WDR74: variants seen among roughly 807,000 people sequenced by gnomAD.
WDR74 encodes WD repeat-containing protein 74.
A neutral mutation model predicts 45.6 loss-of-function variants in WDR74; 31 were observed. That is an observed-to-expected ratio of 0.68 (90% CI 0.51 to 0.92). The LOEUF (loss-of-function observed/expected upper bound fraction) is 0.92. WDR74 is among the 40% of genes least tolerant of loss of function. The probability of loss-of-function intolerance (pLI) is 0.00; values close to 1 mark genes in which losing one functional copy is unlikely to be tolerated. For synonymous variants in WDR74, 191 were observed against 192.4 expected, an observed-to-expected ratio of 0.99 and a Z score of 0.06; for missense variants, 455 against 497.2, an observed-to-expected ratio of 0.92 and a Z score of 0.81.
upstream of WDR74, chr11:62,839,678 G>A: frequency 7.4e-7 from 1 of 1,343,500 alleles, no homozygotes; most frequent in East Asian, 2.4e-5. Flanking sequence ...TTGAAGAGCC[G>A]AAACAGTAAA....
intron 3 of WDR74, among the ~76,000 whole-genome samples, 174 bp downstream of exon 3, chr11:62,838,940 G>A (rs1565223246): frequency 6.6e-6 from 1 of 152,138 alleles, no homozygotes; most frequent in African/African-American, 2.4e-5. Flanking sequence ...AATTCAGTAG[G>A]TGTTCAATAA....
chr11:62,835,202 C>T (rs1262428005), intron 6 of WDR74: 1 of 543,866 alleles, frequency 1.8e-6, no homozygotes, highest in African/African-American at 1.9e-5. Flanking sequence ...GATCCACTCT[C>T]CTTTCCTCTC....
intron 10 of WDR74, 47 bp from the exon 11 acceptor site, chr11:62,833,178 T>C: frequency 1.3e-6 from 2 of 1,584,378 alleles, no homozygotes; most frequent in Non-Finnish European, 1.7e-6. Context: ...CCGGGCACGG[T>C]GGCTCCCACC....
chr11:62,834,664 A>T (rs936702434), intron 6 of WDR74, 137 bp from the exon 7 acceptor site: 11 of 730,456 alleles, frequency 1.5e-5, no homozygotes, highest in Non-Finnish European at 2.2e-5. Context: ...TCTTAGATGT[A>T]TGCCTCTTCT....
Position 62,839,542 on chromosome 11 carries a change from T to A in WDR74, c.29A>T (p.His10Leu). 2 of 1,613,204 alleles carry A rather than the reference T, an allele frequency of 1.2e-6. No individual in the cohort carries two copies. The highest frequency in any genetic ancestry group is 1.7e-6 in the Non-Finnish European group (2 of 1,179,674). Residue 10 changes from histidine (H) to leucine (L), a missense_variant, in exon 1 of 11, where the codon CAT becomes CTT. Physicochemically the swap from His to Leu is moderately conservative, Grantham distance 99. Transcript: ENST00000278856. Reference protein sequence around the residue: MAAAAARWNHVWVGTETGIL... With the variant: MAAAAARWNLVWVGTETGIL... ...CCCAGTCTCGGTGCCGACCCACACATGGTTCCAGCGTGCAGCAGCAGCCGC... is the reference window on the plus strand; with the variant it reads ...CCCAGTCTCGGTGCCGACCCACACAAGGTTCCAGCGTGCAGCAGCAGCCGC...
Position 62,835,541 on chromosome 11 carries a change from G to C in WDR74, c.517-9C>G, listed in dbSNP as rs780743239. On this transcript the variant is annotated splice_polypyrimidine_tract_variant and intron_variant, in intron 5 of 10. Transcript: ENST00000278856. ...AGCCAGTCATTCCGCACCTGGTGGG[G>C]TGGGCAGATGGAGGACAGGGCTATG... 4 of 1,613,772 alleles carry C rather than the reference G, an allele frequency of 2.5e-6. No homozygotes were observed. Among genetic ancestry groups the C allele is most frequent in the Non-Finnish European group, 3.4e-6 (4 of 1,179,828 alleles).
upstream of WDR74, chr11:62,839,975 CGAAA>C (rs1253627418): frequency 6.0e-6 from 1 of 167,394 alleles, no homozygotes; most frequent in East Asian, 1.6e-4. Context: ...ATATAAGTCA[CGAAA>C]GAAAGATGGG....
upstream of WDR74, chr11:62,841,692 C>A (rs1033460589): frequency 1.3e-5 from 2 of 152,164 alleles, no homozygotes; most frequent in Admixed American, 1.3e-4. Flanking sequence ...GCTCCTATTC[C>A]ATCTCCTATT....
At position 62,835,684 on chromosome 11, in the gene WDR74, T is replaced by C. The variant is rs775296009; in HGVS notation, c.516+11A>G. ...CTTCAGGAACAGCTCCTTCACACTC[T>C]TGTCACTCACGTTCTTGGCCCTGAA... On this transcript the variant is annotated intron_variant, in intron 5 of 10. Coordinates refer to ENST00000278856, the MANE Select transcript of WDR74 (RefSeq NM_001369450.1). 5.0e-6 allele frequency: 8 copies of C among 1,613,924 alleles called. No homozygotes were observed. In the Admixed American group the frequency reaches 5.0e-5, roughly 10 times the overall value.
intron 10 of WDR74, 131 bp downstream of exon 10, chr11:62,833,487 G>T (rs765769389): frequency 8.3e-5 from 95 of 1,140,416 alleles, no homozygotes; most frequent in Non-Finnish European, 1.1e-4. Flanking sequence ...ATGCCTCTCA[G>T]AGAAATTAAG....
chr11:62,838,365 G>C lies in WDR74; in HGVS notation c.293+749C>G, dbSNP rs189948573. Among the ~76,000 whole-genome samples, 487 of 151,656 alleles carry C rather than the reference G, an allele frequency of 3.2e-3. 19 individuals are homozygous for C. The highest frequency in any genetic ancestry group is 0.029 in the Admixed American group (436 of 15,250). On this transcript the variant is annotated intron_variant, in intron 3 of 10. Transcript: ENST00000278856. Reference sequence around the variant, plus strand: ...AGAAGGGGTTTTACCGTGCTGGCCAGGCTGGTCTTGAACTCCTGACCTCAA... The same window carrying C: ...AGAAGGGGTTTTACCGTGCTGGCCACGCTGGTCTTGAACTCCTGACCTCAA...
At position 62,839,445 on chromosome 11, in the gene WDR74, T is replaced by C. The variant is rs368356605; in HGVS notation, c.65-17A>G. The C allele has an allele frequency of 6.2e-7, 1 of 1,613,358 alleles. No individual in the cohort carries two copies. Among genetic ancestry groups the C allele is most frequent in the Non-Finnish European group, 8.5e-7 (1 of 1,179,848 alleles). ...GATTTACCCCTGAGAGACGAAGGCG[T>C]CAGTCACGCCAGGGGCGCGAGTGCA... is the stretch of plus-strand genomic sequence containing the variant. On this transcript the variant is annotated splice_polypyrimidine_tract_variant and intron_variant, in intron 1 of 10. Transcript: ENST00000278856.
intron 3 of WDR74, chr11:62,836,263 T>G (rs976035175): frequency 4.0e-6 from 2 of 499,340 alleles, no homozygotes; most frequent in African/African-American, 3.8e-5. Flanking sequence ...GCTTCCAGCT[T>G]CCTAATCTGT....
intron 3 of WDR74, among the ~76,000 whole-genome samples, chr11:62,837,474 G>T (rs2084975144): frequency 6.7e-6 from 1 of 149,172 alleles, no homozygotes; most frequent in Admixed American, 6.7e-5. Flanking sequence ...TCCAGCCTGG[G>T]CAACAGAGTG....
rs1008010249 is a variant in WDR74, at chr11:62,834,016, C to T, written c.776-79G>A. On this transcript the variant is annotated intron_variant, in intron 8 of 10. Transcript: ENST00000278856. ...CATTGTTTCCTGTTCCAATCACTTT[C>T]CATTTCAACATTTAATCTGCAACAA... 6 of 1,559,236 alleles carry T rather than the reference C, an allele frequency of 3.8e-6. No individual in the cohort carries two copies. The African/African-American group carries it at 8.2e-5, about 21-fold the overall frequency.
In WDR74 at chr11:62,839,159, C is replaced by T. The variant is rs1410899679; in HGVS notation, c.248G>A (p.Cys83Tyr). ...EDGIFQGQRHCPGGEGMFRGL... is the reference protein window; with the variant it reads ...EDGIFQGQRHYPGGEGMFRGL... ...ACGGAACATGCCCTCCCCGCCCGGG[C>T]AGTGTCTCTGACCCTGGAATATGCC... Residue 83 changes from cysteine to tyrosine, a missense_variant, in exon 3 of 11, where the codon TGC becomes TAC. Transcript: ENST00000278856. 9.3e-6 allele frequency: 15 copies of T among 1,613,588 alleles called. No homozygotes were observed. The highest frequency in any genetic ancestry group is 1.0e-5 in the Non-Finnish European group (12 of 1,179,904).
intron 3 of WDR74, 79 bp from the exon 4 acceptor site, chr11:62,836,115 C>T (rs2084956723): frequency 3.7e-6 from 5 of 1,359,938 alleles, no homozygotes; most frequent in African/African-American, 1.5e-5. Context: ...CTTACTACTA[C>T]AGTTGACTAA....
chr11:62,834,753 G>T (rs923278638), intron 6 of WDR74: 2 of 536,132 alleles, frequency 3.7e-6, no homozygotes, highest in African/African-American at 3.8e-5. Flanking sequence ...TAGGTTGGAA[G>T]TGTGTGAGCA....
At chr11:62,833,296 TAAAAAAAAA>T (rs1048706100) in intron 10 of WDR74, among the ~76,000 whole-genome samples, 165 bp from the exon 11 acceptor site, 90 of 50,888 alleles carry the variant, frequency 1.8e-3, no homozygotes, top group African/African-American at 5.1e-3. Context: ...AAAAGAAGTT[TAAAAAAAAA>T]AAAAAAAAAA....
Sources: allele counts gnomAD v4.1 joint callset (sites outside exome capture counted in the v4.1 genomes callset), GRCh38; gene constraint gnomAD v4.1.1; transcripts MANE v1.5; gene names NCBI Gene and HGNC (gene_info 2026-07-23, HGNC 2026-07-21).